The following GRIK2 variants were observed in gnomAD, a reference collection of about 807,000 sequenced individuals.
GRIK2 encodes the protein glutamate ionotropic receptor kainate type subunit 2.
Under a neutral mutation model 100.3 loss-of-function variants are expected in GRIK2, and 32 were observed. The ratio of observed to expected loss-of-function variants is 0.32; its 90% CI spans 0.24 to 0.43. The LOEUF (loss-of-function observed/expected upper bound fraction) is 0.43. Among genes scored for constraint, GRIK2 ranks in the 20% least tolerant of loss-of-function variants. The pLI is 1.00. For missense variants in GRIK2, 843 were observed against 1,114.9 expected, an observed-to-expected ratio of 0.76 and a Z score of 3.47; for synonymous variants, 417 against 389.4, an observed-to-expected ratio of 1.07 and a Z score of -0.83.
chr6:101,959,251 G>A (rs1441477924), intron 14 of GRIK2, among the ~76,000 whole-genome samples: 1 of 151,968 alleles, frequency 6.6e-6, no homozygotes, highest in African/African-American at 2.4e-5. Context: ...GCTCATATCT[G>A]TTGGACAATT....
At chr6:101,897,512 T>C (rs1787549764) in intron 12 of GRIK2, among the ~76,000 whole-genome samples, 1 of 151,818 alleles carries the variant, frequency 6.6e-6, no homozygotes, top group Non-Finnish European at 1.5e-5. Context: ...CCTTGGTCTT[T>C]TTGGAAGCTT....
intron 14 of GRIK2, among the ~76,000 whole-genome samples, chr6:101,979,812 AATATTC>A (rs928800595): frequency 2.0e-5 from 3 of 152,078 alleles, no homozygotes; most frequent in Non-Finnish European, 4.4e-5. Context: ...TCACTCATCA[AATATTC>A]ATTGAGTTGC....
intron 12 of GRIK2, among the ~76,000 whole-genome samples, chr6:101,898,445 G>A (rs1487130791): frequency 6.6e-6 from 1 of 151,148 alleles, no homozygotes; most frequent in African/African-American, 2.4e-5. Flanking sequence ...CATGTTAGTA[G>A]TATACGGTTT....
intron 2 of GRIK2, among the ~76,000 whole-genome samples, chr6:101,607,837 A>G (rs1045687642): frequency 1.3e-5 from 2 of 151,692 alleles, no homozygotes; most frequent in African/African-American, 4.8e-5. Context: ...TCTTTTCCCA[A>G]AATGAATGAT....
chr6:101,399,484 G>T (rs942083827), intron 2 of GRIK2, 92 bp downstream of exon 2: 8 of 755,130 alleles, frequency 1.1e-5, no homozygotes, highest in Middle Eastern at 2.3e-4. Context: ...GGTGGGCTCC[G>T]TGGATTCTGA....
At chr6:101,834,087 T>A (rs1389195896) in intron 10 of GRIK2, among the ~76,000 whole-genome samples, 2 of 152,090 alleles carry the variant, frequency 1.3e-5, no homozygotes, top group African/African-American at 2.4e-5. Flanking sequence ...TCTTTTTGAA[T>A]CAATTTTATA....
chr6:101,745,091 T>G (rs1776343744), intron 7 of GRIK2: 1 of 152,188 alleles, frequency 6.6e-6, no homozygotes, highest in Non-Finnish European at 1.5e-5. Context: ...TGTAAAAAAT[T>G]TATTAAATGA....
intron 4 of GRIK2, among the ~76,000 whole-genome samples, chr6:101,635,333 T>A (rs1249356968): frequency 6.6e-6 from 1 of 151,962 alleles, no homozygotes; most frequent in East Asian, 1.9e-4. Context: ...ATCATAAAAA[T>A]TTTTTTAGAA....
At chr6:101,953,386 T>C (rs1044105237) in intron 14 of GRIK2, among the ~76,000 whole-genome samples, 1 of 152,208 alleles carries the variant, frequency 6.6e-6, no homozygotes, top group Admixed American at 6.5e-5. Context: ...TTTAGCAGTG[T>C]ACAAGGGCTC....
intron 7 of GRIK2, among the ~76,000 whole-genome samples, chr6:101,777,003 G>A (rs1207771583): frequency 2.0e-5 from 3 of 152,154 alleles, no homozygotes; most frequent in African/African-American, 4.8e-5. Flanking sequence ...CGCCATCATC[G>A]TCCAACACCT....
intron 2 of GRIK2, among the ~76,000 whole-genome samples, chr6:101,451,159 A>G (rs1770655080): frequency 6.6e-6 from 1 of 151,548 alleles, no homozygotes; most frequent in African/African-American, 2.4e-5. Flanking sequence ...CGGAAATTCT[A>G]CTTAATCTTT....
intron 11 of GRIK2, among the ~76,000 whole-genome samples, chr6:101,872,415 A>G (rs1288135827): frequency 6.6e-6 from 1 of 151,848 alleles, no homozygotes; most frequent in East Asian, 1.9e-4. Flanking sequence ...ATGCTGAGTA[A>G]AGCAGGGAAA....
intron 7 of GRIK2, among the ~76,000 whole-genome samples, chr6:101,703,493 C>T (rs1490940256): frequency 3.3e-5 from 5 of 151,788 alleles, no homozygotes; most frequent in African/African-American, 4.8e-5. Flanking sequence ...TTAGCGACCT[C>T]AATACTATTG....
chr6:101,699,544 C>T (rs1407991374), intron 7 of GRIK2, among the ~76,000 whole-genome samples: 1 of 152,138 alleles, frequency 6.6e-6, no homozygotes, highest in African/African-American at 2.4e-5. Flanking sequence ...CCTAACTCCA[C>T]TTGAGCATCC....
chr6:101,737,883 G>C (rs182170408), intron 7 of GRIK2, among the ~76,000 whole-genome samples: 1 of 152,192 alleles, frequency 6.6e-6, no homozygotes, highest in Non-Finnish European at 1.5e-5. Context: ...ATCAATTCAT[G>C]TCAGAATTGA....
intron 15 of GRIK2, among the ~76,000 whole-genome samples, chr6:102,042,375 T>C (rs1770635099): frequency 6.6e-6 from 1 of 151,584 alleles, no homozygotes; most frequent in African/African-American, 2.4e-5. Context: ...ACATAAATCA[T>C]CTTTCTTTTT....
chr6:102,060,414 A>G (rs1398162213), intron 16 of GRIK2, among the ~76,000 whole-genome samples: 1 of 150,820 alleles, frequency 6.6e-6, no homozygotes, highest in Non-Finnish European at 1.5e-5. Context: ...ACGCAAGACT[A>G]GGGATCCTAT....
At chr6:101,528,610 A>G (rs1318882704) in intron 2 of GRIK2, among the ~76,000 whole-genome samples, 1 of 152,142 alleles carries the variant, frequency 6.6e-6, no homozygotes, top group Admixed American at 6.6e-5. Context: ...ACACCTCTGC[A>G]GTTTTCAAAG....
chr6:101,719,138 G>GTTTGTTTTTTTTTTTTTTTTTTTTT (rs1774276122), intron 7 of GRIK2, among the ~76,000 whole-genome samples: 1 of 101,170 alleles, frequency 9.9e-6, no homozygotes, highest in African/African-American at 5.0e-5. Context: ...GGCTGCAAGG[G>GTTTGTTTTTTTTTTTTTTTTTTTTT]TTTTTTTTTT....
Sources: allele counts gnomAD v4.1 joint callset (sites outside exome capture counted in the v4.1 genomes callset), GRCh38; gene constraint gnomAD v4.1.1; transcripts MANE v1.5; gene names NCBI Gene and HGNC (gene_info 2026-07-23, HGNC 2026-07-21).